AURKA: variants seen among roughly 807,000 people sequenced by gnomAD.
AURKA encodes aurora kinase A, also known as aurora 2.
In AURKA, 12 loss-of-function variants were observed where a neutral mutation model predicts 40.9. The observed-to-expected ratio is 0.29, with a 90% confidence interval of 0.19 to 0.48. The LOEUF is 0.48. Ranked by LOEUF, AURKA falls within the 20% of genes least tolerant of loss-of-function variation. The probability of loss-of-function intolerance (pLI) is 0.99; values close to 1 mark genes in which losing one functional copy is unlikely to be tolerated. For synonymous variants in AURKA, 170 were observed against 164.3 expected (o/e 1.03, Z -0.26); for missense variants, 322 against 462.1 (o/e 0.70, Z 2.78).
chr20:56,382,721 A>T (rs1600699250), intron 5 of AURKA, among the ~76,000 whole-genome samples: 1 of 86,712 alleles, frequency 1.2e-5, no homozygotes, highest in Non-Finnish European at 2.5e-5. Context: ...ATTTATACTT[A>T]AAAAAAAAAA....
chr20:56,386,607 G>A, intron 2 of AURKA, 74 bp from the exon 3 acceptor site: 1 of 1,562,880 alleles, frequency 6.4e-7, no homozygotes, highest in Non-Finnish European at 8.8e-7. Flanking sequence ...ATTTCACAAA[G>A]TTTGTTCTCT....
intron 7 of AURKA, among the ~76,000 whole-genome samples, chr20:56,371,200 T>G (rs144558931): frequency 4.6e-5 from 7 of 152,212 alleles, no homozygotes; most frequent in Non-Finnish European, 8.8e-5. Context: ...CAGTGGCTCA[T>G]GCCTGTAATG....
intron 7 of AURKA, among the ~76,000 whole-genome samples, chr20:56,372,588 C>G (rs892540018): frequency 4.2e-5 from 6 of 143,360 alleles, no homozygotes; most frequent in African/African-American, 1.6e-4. Flanking sequence ...ATTGCTGGAA[C>G]AATTAGAAGT....
chr20:56,390,319 T>C (rs1422297819), intron 1 of AURKA, among the ~76,000 whole-genome samples: 1 of 151,842 alleles, frequency 6.6e-6, no homozygotes, highest in Middle Eastern at 3.2e-3. Flanking sequence ...CTTTTTTTTT[T>C]TTTTTGAGAT....
Position 56,383,035 on chromosome 20 carries a change from G to C in AURKA, c.516C>G (p.Ala172=), listed in dbSNP as rs148425454. The C allele has an allele frequency of 3.7e-6, 6 of 1,614,146 alleles. No individual in the cohort carries two copies. Among genetic ancestry groups the C allele is most frequent in the Non-Finnish European group, 5.1e-6 (6 of 1,180,024 alleles). The change falls in exon 5 of 9, where the codon GCC becomes GCG. Residue 172 remains alanine (A), a synonymous_variant. Coordinates refer to ENST00000395915, the MANE Select transcript of AURKA (RefSeq NM_198437.3). ...KVLFKAQLEK[A]GVEHQLRREV... ...CTCTTCTGAGCTGATGCTCCACTCCGGCTTTCTCCAGCTGAGCTTTAAATA... is the reference window on the plus strand; with the variant it reads ...CTCTTCTGAGCTGATGCTCCACTCCCGCTTTCTCCAGCTGAGCTTTAAATA...
rs147225856 is a variant in AURKA, at chr20:56,375,937, A to G, written c.706-2381T>C. Among the ~76,000 whole-genome samples the G allele has an allele frequency of 4.7e-3, 714 of 152,358 alleles. 11 individuals carry two copies. Among genetic ancestry groups the G allele is most frequent in the Middle Eastern group, 0.01 (3 of 294 alleles). ...TATTTGAATTCATCTGAAAAGGAAA[A>G]CAGGTACATGTGTATTCATTCTAAC... On this transcript the variant is annotated intron_variant, in intron 6 of 8. Transcript: ENST00000395915.
intron 7 of AURKA, among the ~76,000 whole-genome samples, chr20:56,371,994 T>G (rs16979829): frequency 0.073 from 11,118 of 152,310 alleles, 768 homozygotes; most frequent in African/African-American, 0.18. Flanking sequence ...GTAGGCACTG[T>G]ATAGACAGGT....
Position 56,384,333 on chromosome 20 carries a change from A to C in AURKA, c.320-9T>G. 1.9e-6 allele frequency: 3 copies of C among 1,581,006 alleles called. No homozygotes were observed. The highest frequency in any genetic ancestry group is 2.6e-6 in the Non-Finnish European group (3 of 1,151,658). On this transcript the variant is annotated splice_polypyrimidine_tract_variant and intron_variant, in intron 3 of 8. Coordinates refer to ENST00000395915, the MANE Select transcript of AURKA (RefSeq NM_198437.3). The stretch of plus-strand genomic sequence containing the variant: ...CTCCTCAGGATTATTTTCTATATGG[A>C]ATAAGTTAAAAACCTGTTTTTAGAA...
chr20:56,390,253 C>T (rs1353135461), intron 1 of AURKA, among the ~76,000 whole-genome samples: 1 of 151,960 alleles, frequency 6.6e-6, no homozygotes, highest in Non-Finnish European at 1.5e-5. Context: ...TTCTTGCTCC[C>T]TTTATTACGC....
rs1414079445 is a variant in AURKA at position 56,381,549 on chromosome 20, A to G, written c.589T>C (p.Tyr197His). 1.9e-6 allele frequency: 3 copies of G among 1,613,862 alleles called. No individual in the cohort carries two copies. The highest frequency in any genetic ancestry group is 8.5e-7 in the Non-Finnish European group (1 of 1,179,888). ...HLRHPNILRL[Y>H]GYFHDATRVY... ...CTGGTAGCATCATGGAAATAACCAT[A>G]CAGTCTAAGAATATTAGGATGCCTG... The change falls in exon 6 of 9, where the codon TAT becomes CAT. Residue 197 changes from tyrosine to histidine, a missense_variant. By Grantham distance (83) the Tyr-to-His change is moderately conservative (BLOSUM62 2). Transcript: ENST00000395915.
intron 6 of AURKA, among the ~76,000 whole-genome samples, chr20:56,378,941 C>T (rs1985324094): frequency 6.6e-6 from 1 of 152,018 alleles, no homozygotes; most frequent in African/African-American, 2.4e-5. Flanking sequence ...CGAAACTATT[C>T]TCTATATCAT....
intron 6 of AURKA, 54 bp downstream of exon 6, chr20:56,381,379 G>A: frequency 6.2e-7 from 1 of 1,602,480 alleles, no homozygotes; most frequent in East Asian, 2.2e-5. Context: ...ACATTGCTAT[G>A]GAGGACAGGT....
Position 56,374,560 on chromosome 20 carries a change from GA to G in AURKA, c.706-1005del, listed in dbSNP as rs369127724. Among the ~76,000 whole-genome samples the G allele has an allele frequency of 6.2e-3, 947 of 152,096 alleles. 7 individuals carry two copies. The highest frequency in any genetic ancestry group is 0.022 in the African/African-American group (908 of 41,520). Reference sequence around the variant, plus strand: ...ACTAAGTCAGCATAGAAGTACATAAGAAATCAGTCCTTTTGTTAATTTTATT... The same window carrying G: ...ACTAAGTCAGCATAGAAGTACATAAGAATCAGTCCTTTTGTTAATTTTATT... On this transcript the variant is annotated intron_variant, in intron 6 of 8. Coordinates refer to ENST00000395915, the MANE Select transcript of AURKA (RefSeq NM_198437.3).
rs1210380912 is a variant in AURKA, at chr20:56,383,152, A to G, written c.399T>C (p.Phe133=). 4.3e-6 allele frequency: 7 copies of G among 1,614,252 alleles called. No individual in the cohort carries two copies. Among genetic ancestry groups the G allele is most frequent in the Non-Finnish European group, 5.9e-6 (7 of 1,180,050 alleles). Residue 133 remains phenylalanine, a synonymous_variant, in exon 5 of 9, where the codon TTT becomes TTC. Transcript: ENST00000395915. ...SKKRQWALED[F]EIGRPLGKGK... Reference sequence around the variant, plus strand: ...CTTTACCCAGAGGGCGACCAATTTCAAAGTCTTCCAAAGCCCACTGCCTCC... The same window carrying G: ...CTTTACCCAGAGGGCGACCAATTTCGAAGTCTTCCAAAGCCCACTGCCTCC...
chr20:56,371,290 G>GT (rs1984155531), intron 7 of AURKA, among the ~76,000 whole-genome samples: 2 of 152,034 alleles, frequency 1.3e-5, no homozygotes, highest in South Asian at 2.1e-4. Context: ...GTGAAACGCC[G>GT]TATCTACTAA....
At position 56,370,514 on chromosome 20, in the gene AURKA, A is replaced by G; in HGVS notation, c.1000T>C (p.Tyr334His). 6.2e-7 allele frequency: 1 copy of G among 1,614,180 alleles called. No homozygotes were observed. Among genetic ancestry groups the G allele is most frequent in the African/African-American group, 1.3e-5 (1 of 75,038 alleles). Residue 334 changes from tyrosine (Y) to histidine (H), a missense_variant, in exon 8 of 9, where the codon TAC (tyrosine) becomes CAC (histidine). Transcript: ENST00000395915. Reference sequence around the variant, plus strand: ...GATATTCTTTTGTAGGTCTCTTGGTATGTGTTTGCCTCAAAAGGAGGCTTC... The same window carrying G: ...GATATTCTTTTGTAGGTCTCTTGGTGTGTGTTTGCCTCAAAAGGAGGCTTC... ...VGKPPFEANT[Y>H]QETYKRISRV...
At chr20:56,371,216 A>G (rs1437228376) in intron 7 of AURKA, among the ~76,000 whole-genome samples, 3 of 152,180 alleles carry the variant, frequency 2.0e-5, no homozygotes, top group Non-Finnish European at 4.4e-5. Flanking sequence ...TAATGCCAGC[A>G]CTTTGGGAGG....
intron 5 of AURKA, among the ~76,000 whole-genome samples, chr20:56,382,720 TA>T (rs3838041): frequency 0.23 from 33,881 of 144,426 alleles, 4,462 homozygotes; most frequent in East Asian, 0.66. Context: ...AATTTATACT[TA>T]AAAAAAAAAA....
At position 56,381,504 on chromosome 20, in the gene AURKA, A is replaced by G; in HGVS notation, c.634T>C (p.Tyr212His). 1 of 1,613,966 alleles carries G rather than the reference A, an allele frequency of 6.2e-7. No homozygotes were observed. The highest frequency in any genetic ancestry group is 8.5e-7 in the Non-Finnish European group (1 of 1,179,904). The stretch of plus-strand genomic sequence containing the variant: ...CTATAAACTGTTCCAAGTGGTGCAT[A>G]TTCCAGAATTAGGTAGACTCTGGTA... Reference protein sequence around the residue: ...DATRVYLILEYAPLGTVYREL... With the variant: ...DATRVYLILEHAPLGTVYREL... Residue 212 changes from tyrosine (Y) to histidine (H), a missense_variant, in exon 6 of 9, where the codon TAT (tyrosine) becomes CAT (histidine). Coordinates refer to ENST00000395915, the MANE Select transcript of AURKA (RefSeq NM_198437.3).
Sources: allele counts gnomAD v4.1 joint callset (sites outside exome capture counted in the v4.1 genomes callset), GRCh38; gene constraint gnomAD v4.1.1; transcripts MANE v1.5; gene names NCBI Gene and HGNC (gene_info 2026-07-23, HGNC 2026-07-21).